The following PCDHGA7 variants were observed in gnomAD, a reference collection of about 807,000 sequenced individuals.
PCDHGA7 encodes protocadherin gamma-A7.
PCDHGA7 carries 44 observed loss-of-function variants against 58.3 expected under a neutral mutation model. The observed-to-expected ratio is 0.75, with a 90% CI of 0.59 to 0.97. The LOEUF (loss-of-function observed/expected upper bound fraction) is 0.97. Ranked by LOEUF, PCDHGA7 falls within the 50% of genes least tolerant of loss-of-function variation. The pLI, the probability that PCDHGA7 is intolerant of heterozygous loss-of-function variation, is 0.00. For missense variants in PCDHGA7, 1,266 were observed against 1,188.7 expected, an observed-to-expected ratio of 1.06 and a Z score of -0.96; for synonymous variants, 516 against 504.2, an observed-to-expected ratio of 1.02 and a Z score of -0.31.
Position 141,506,445 on chromosome 5 carries a change from A to T in PCDHGA7, c.2572+964A>T, listed in dbSNP as rs1018306383. 3.8e-3 allele frequency among the ~76,000 whole-genome samples: 112 copies of T among 29,226 alleles called. No individual in the cohort carries two copies. The Middle Eastern group carries it at 0.08, about 21-fold the overall frequency. The allele number at this position is 29,226 out of a possible 152,430, so 19.2% of individuals were successfully genotyped here. ...CTGGGCAACAGTCTCGCTCTGTCTC[A>T]AAAAAAAAAAAAAAAAAAAAGAGCA... On this transcript the variant is annotated intron_variant, in intron 3 of 3. Transcript: ENST00000518325.
chr5:141,394,004 A>G (rs1220367944), intron 1 of PCDHGA7: 6 of 1,613,378 alleles, frequency 3.7e-6, no homozygotes, highest in Non-Finnish European at 4.2e-6. Context: ...TAGAAAAGTC[A>G]ATAGGTAATT....
At chr5:141,488,062 T>C (rs1488970442) in intron 1 of PCDHGA7, among the ~76,000 whole-genome samples, 1 of 152,152 alleles carries the variant, frequency 6.6e-6, no homozygotes, top group Non-Finnish European at 1.5e-5. Flanking sequence ...AAATAAAATC[T>C]TTGTCTCCCA....
At chr5:141,423,800 T>A in intron 1 of PCDHGA7, 2 of 895,132 alleles carry the variant, frequency 2.2e-6, no homozygotes, top group Non-Finnish European at 2.9e-6. Flanking sequence ...TTTAGAGCAA[T>A]ACATGTGAGT....
At chr5:141,425,392 A>G (rs2096872216) in intron 1 of PCDHGA7, among the ~76,000 whole-genome samples, 1 of 152,232 alleles carries the variant, frequency 6.6e-6, no homozygotes, top group African/African-American at 2.4e-5. Flanking sequence ...GGTAGTGATA[A>G]AGTTCTGTTA....
chr5:141,490,402 G>A lies in PCDHGA7; in HGVS notation c.2425-4405G>A. On this transcript the variant is annotated intron_variant, in intron 1 of 3. Coordinates refer to ENST00000518325, the MANE Select transcript of PCDHGA7 (RefSeq NM_018920.4). This position sits in a 1 kb window ranked among gnomAD's most constrained non-coding sequence, Gnocchi z 5.4. The stretch of plus-strand genomic sequence containing the variant: ...AGGTAGAAATGGTGAAGTGAGCCTT[G>A]ATATCTCTCCGGACCTGCCATTTCA... 6.2e-7 allele frequency: 1 copy of A among 1,614,182 alleles called. No homozygotes were observed. The highest frequency in any genetic ancestry group is 8.5e-7 in the Non-Finnish European group (1 of 1,180,024).
chr5:141,409,125 AT>A, intron 1 of PCDHGA7: 1 of 1,613,982 alleles, frequency 6.2e-7, no homozygotes, highest in Non-Finnish European at 8.5e-7. Context: ...CAGTCATTTG[AT>A]TTTGAAGATG....
intron 1 of PCDHGA7, chr5:141,388,233 T>C (rs924261107): frequency 1.2e-6 from 2 of 1,608,114 alleles, no homozygotes; most frequent in South Asian, 1.1e-5. Flanking sequence ...ACTGAACTTT[T>C]ATCACGTGAA....
At chr5:141,457,715 CA>C (rs2098928510) in intron 1 of PCDHGA7, among the ~76,000 whole-genome samples, 2 of 152,212 alleles carry the variant, frequency 1.3e-5, no homozygotes, top group Non-Finnish European at 2.9e-5. Flanking sequence ...CACTGTTCCA[CA>C]AGGAATTTCA....
chr5:141,395,157 C>G, intron 1 of PCDHGA7: 2 of 1,614,174 alleles, frequency 1.2e-6, no homozygotes, highest in Non-Finnish European at 1.7e-6. Context: ...GCTCATCAGT[C>G]AGGAGGGCTG....
chr5:141,402,825 A>G, intron 1 of PCDHGA7: 1 of 1,320,620 alleles, frequency 7.6e-7, no homozygotes, highest in Non-Finnish European at 1.0e-6. Flanking sequence ...ACCTGCTCCC[A>G]GGCTGCAGCA....
intron 1 of PCDHGA7, among the ~76,000 whole-genome samples, chr5:141,438,606 A>G: frequency 3.6e-5 from 1 of 27,780 alleles, no homozygotes; most frequent in African/African-American, 2.7e-4. Flanking sequence ...ATATATATAT[A>G]TATATATATA....
chr5:141,467,781 C>T (rs2099151581), intron 1 of PCDHGA7, among the ~76,000 whole-genome samples: 1 of 152,228 alleles, frequency 6.6e-6, no homozygotes, highest in South Asian at 2.1e-4. Context: ...ACCTCAGCCT[C>T]TCAAGTAGCT....
Position 141,489,653 on chromosome 5 carries a change from G to C in PCDHGA7, c.2425-5154G>C. ...TCTCCTAGCTTTGCCACCCCTGAGCGAGAGATGCGCATCTCAGAATCAGCA... is the reference window on the plus strand; with the variant it reads ...TCTCCTAGCTTTGCCACCCCTGAGCCAGAGATGCGCATCTCAGAATCAGCA... On this transcript the variant is annotated intron_variant, in intron 1 of 3. Coordinates refer to ENST00000518325, the MANE Select transcript of PCDHGA7 (RefSeq NM_018920.4). The surrounding 1 kb of genome is among the most constrained non-coding windows in gnomAD (Gnocchi z 4.5). 3 of 1,614,164 alleles carry C rather than the reference G, an allele frequency of 1.9e-6. No individual in the cohort carries two copies. The highest frequency in any genetic ancestry group is 2.5e-6 in the Non-Finnish European group (3 of 1,180,018).
intron 1 of PCDHGA7, chr5:141,410,789 A>C: frequency 1.3e-6 from 1 of 794,444 alleles, no homozygotes; most frequent in Non-Finnish European, 1.8e-6. Context: ...TATTTGGTTC[A>C]TAAGTTGCTC....
At chr5:141,417,452 C>A in intron 1 of PCDHGA7, 1 of 173,536 alleles carries the variant, frequency 5.8e-6, no homozygotes, top group Non-Finnish European at 1.2e-5. Flanking sequence ...ATAGTTATGA[C>A]CAAGTGGAAA....
Position 141,485,814 on chromosome 5 carries a change from C to T in PCDHGA7, c.2425-8993C>T, listed in dbSNP as rs2099619616. 7.4e-6 allele frequency: 12 copies of T among 1,613,982 alleles called. No individual in the cohort carries two copies. The East Asian group carries it at 2.2e-4, about 30-fold the overall frequency. On this transcript the variant is annotated intron_variant, in intron 1 of 3. Coordinates refer to ENST00000518325, the MANE Select transcript of PCDHGA7 (RefSeq NM_018920.4). This position sits in a 1 kb window ranked among gnomAD's most constrained non-coding sequence, Gnocchi z 5.7. ...TCGGACTACCGCCTGGTGCTGACTG[C>T]TGTCGATGGAGGGAACCCGCCGAGA...
chr5:141,423,438 C>T lies in PCDHGA7; in HGVS notation c.2424+38115C>T, dbSNP rs2096741369. 5 of 1,613,942 alleles carry T rather than the reference C, an allele frequency of 3.1e-6. No homozygotes were observed. In the East Asian group the frequency reaches 8.9e-5, roughly 29 times the overall value. On this transcript the variant is annotated intron_variant, in intron 1 of 3. Transcript: ENST00000518325. Reference sequence around the variant, plus strand: ...CTGAAGGCGGGTTGGCAGGTATGCCCACGTCACATTTTGTAGGCGTGGACG... The same window carrying T: ...CTGAAGGCGGGTTGGCAGGTATGCCTACGTCACATTTTGTAGGCGTGGACG...
At position 141,431,052 on chromosome 5, in the gene PCDHGA7, G is replaced by A. The variant is rs148326556; in HGVS notation, c.2424+45729G>A. On this transcript the variant is annotated intron_variant, in intron 1 of 3. Transcript: ENST00000518325. The surrounding 1 kb of genome is among the most constrained non-coding windows in gnomAD (Gnocchi z 4.8). Reference sequence around the variant, plus strand: ...ATAGACCGGGAGGAGCTCTGTATGGGGGCCATCAAGTGTCAATTAAATCTA... The same window carrying A: ...ATAGACCGGGAGGAGCTCTGTATGGAGGCCATCAAGTGTCAATTAAATCTA... 2 of 1,614,228 alleles carry A rather than the reference G, an allele frequency of 1.2e-6. No individual in the cohort carries two copies. The highest frequency in any genetic ancestry group is 1.7e-6 in the Non-Finnish European group (2 of 1,180,044).
At chr5:141,405,130 G>A in intron 1 of PCDHGA7, 1 of 1,614,012 alleles carries the variant, frequency 6.2e-7, no homozygotes, top group South Asian at 1.1e-5. Flanking sequence ...ATCTGCTGCG[G>A]GCTACCAGTG....
Sources: gnomAD v4.1 joint callset for allele counts (sites outside exome capture counted in the v4.1 genomes callset) on GRCh38, gnomAD v4.1.1 for gene constraint, Gnocchi (gnomAD v3.1) non-coding constraint, MANE v1.5 for transcripts, NCBI Gene and HGNC (gene_info 2026-07-23, HGNC 2026-07-21) for gene names.